Variants in IPO11 observed in about 807,000 individuals in gnomAD.
The protein encoded by IPO11 is importin 11, also known as importin-11.
A neutral mutation model predicts 143.2 loss-of-function variants in IPO11; 66 were observed. That is an observed-to-expected ratio of 0.46 (90% confidence interval 0.38 to 0.57). IPO11 has a LOEUF of 0.57. IPO11 is among the 20% of genes least tolerant of loss of function. The pLI, the probability that IPO11 is intolerant of heterozygous loss-of-function variation, is 0.00. For synonymous variants in IPO11, 385 were observed against 377.8 expected (o/e 1.02, Z -0.22); for missense variants, 1,026 against 1,141.0 (o/e 0.90, Z 1.45).
chr5:62,536,873 G>C, intron 23 of IPO11, 92 bp downstream of exon 23: 1 of 1,233,980 alleles, frequency 8.1e-7, no homozygotes. Context: ...AAAATTTTAA[G>C]ATTGGTCTGT....
chr5:62,490,303 CT>C, intron 15 of IPO11, 83 bp downstream of exon 15: 1 of 832,838 alleles, frequency 1.2e-6, no homozygotes, highest in Non-Finnish European at 1.8e-6. Context: ...ATTAAAATGG[CT>C]TACAATTTAA....
intron 24 of IPO11, among the ~76,000 whole-genome samples, chr5:62,546,603 AAAACCAC>A (rs1561357362): frequency 1.3e-5 from 2 of 152,038 alleles, no homozygotes; most frequent in Middle Eastern, 3.4e-3. Flanking sequence ...ATATAAAAAA[AAAACCAC>A]ACACACACAA....
intron 27 of IPO11, among the ~76,000 whole-genome samples, chr5:62,575,368 T>TAA (rs1744280024): frequency 6.6e-6 from 1 of 152,198 alleles, no homozygotes; most frequent in Admixed American, 6.5e-5. Flanking sequence ...GTAAGTTGTA[T>TAA]TTGCCATGGT....
At chr5:62,591,695 C>T in intron 28 of IPO11, 23 bp downstream of exon 28, 1 of 1,466,314 alleles carries the variant, frequency 6.8e-7, no homozygotes. Context: ...TTTAATTAAT[C>T]ATAATTGGAC....
chr5:62,518,975 C>T (rs1382104696), intron 20 of IPO11, among the ~76,000 whole-genome samples: 3 of 152,028 alleles, frequency 2.0e-5, no homozygotes, highest in Non-Finnish European at 4.4e-5. Context: ...GTGTTAATTG[C>T]CCTTTTAGCA....
intron 27 of IPO11, among the ~76,000 whole-genome samples, chr5:62,563,776 A>C (rs571949914): frequency 1.3e-4 from 20 of 152,166 alleles, no homozygotes; most frequent in African/African-American, 4.6e-4. Context: ...GTATTCTGGC[A>C]CTCAAAAAAA....
intron 29 of IPO11, among the ~76,000 whole-genome samples, chr5:62,610,779 A>G (rs1334402273): frequency 6.6e-6 from 1 of 152,012 alleles, no homozygotes; most frequent in African/African-American, 2.4e-5. Context: ...TTTCTTCTGT[A>G]TTCATTCCAC....
intron 2 of IPO11, among the ~76,000 whole-genome samples, chr5:62,441,762 C>G (rs1441758333): frequency 1.3e-5 from 2 of 151,542 alleles, no homozygotes; most frequent in Non-Finnish European, 2.9e-5. Context: ...GGTGGTCCAC[C>G]TGCCTCGGCC....
rs1181968474 is a variant in IPO11 at position 62,491,713 on chromosome 5, T to C, written c.1463+1493T>C. ...TGGAGTCTTGCTCTGTTGCCCAGGC[T>C]GTAGTGCAGTGGCGCGATCTCGACT... On this transcript the variant is annotated intron_variant, in intron 15 of 29. Coordinates refer to ENST00000325324, the MANE Select transcript of IPO11 (RefSeq NM_016338.5). 2.4e-4 allele frequency among the ~76,000 whole-genome samples: 36 copies of C among 150,766 alleles called. 2 individuals carry two copies. Among genetic ancestry groups the C allele is most frequent in the Admixed American group, 2.4e-3 (36 of 15,078 alleles).
At chr5:62,490,250 A>G in intron 15 of IPO11, 30 bp downstream of exon 15, 1 of 1,366,552 alleles carries the variant, frequency 7.3e-7, no homozygotes, top group South Asian at 1.3e-5. Flanking sequence ...TTTATTATAC[A>G]CTTACTTTAC....
chr5:62,451,151 C>T (rs1426554197), intron 4 of IPO11, among the ~76,000 whole-genome samples: 3 of 152,094 alleles, frequency 2.0e-5, no homozygotes, highest in South Asian at 2.1e-4. Context: ...CAATATTTGG[C>T]GTTTCTTTCT....
chr5:62,548,967 T>A (rs142592819), intron 24 of IPO11, among the ~76,000 whole-genome samples: 16 of 152,270 alleles, frequency 1.1e-4, no homozygotes, highest in African/African-American at 3.8e-4. Flanking sequence ...AATGGGCAGG[T>A]GGTCTTACTT....
chr5:62,438,853 A>G (rs918654411), intron 2 of IPO11, among the ~76,000 whole-genome samples: 1 of 151,816 alleles, frequency 6.6e-6, no homozygotes, highest in Non-Finnish European at 1.5e-5. Context: ...TGACCAGGAG[A>G]TTGAGACCAT....
Position 62,451,801 on chromosome 5 carries a change from A to G in IPO11, c.384A>G (p.Leu128=), listed in dbSNP as rs770458775. ...ATTGTCCCAGACAGTGGCCTGAACT[A>G]ATTCCCACTCTTATAGAGTCTGTTA... is the stretch of plus-strand genomic sequence containing the variant. ...RLDCPRQWPE[L]IPTLIESVKV... is the part of the protein sequence containing the mutation. Residue 128 remains leucine (L), a synonymous_variant, in exon 5 of 30, where the codon CTA becomes CTG. Coordinates refer to ENST00000325324, the MANE Select transcript of IPO11 (RefSeq NM_016338.5). The G allele has an allele frequency of 6.2e-7, 1 of 1,614,092 alleles. No individual in the cohort carries two copies. The highest frequency in any genetic ancestry group is 1.1e-5 in the South Asian group (1 of 91,082).
intron 24 of IPO11, among the ~76,000 whole-genome samples, chr5:62,543,665 T>G (rs972199468): frequency 1.3e-5 from 2 of 151,206 alleles, no homozygotes; most frequent in Non-Finnish European, 3.0e-5. Flanking sequence ...TTTTGAAGGG[T>G]TTTTTGTGTC....
intron 24 of IPO11, among the ~76,000 whole-genome samples, chr5:62,547,045 A>G (rs973179614): frequency 3.9e-5 from 6 of 152,168 alleles, no homozygotes; most frequent in Admixed American, 2.6e-4. Flanking sequence ...GATACAAAAG[A>G]GACTGAAACA....
intron 28 of IPO11, among the ~76,000 whole-genome samples, chr5:62,598,408 C>CTT (rs1404328204): frequency 6.4e-5 from 1 of 15,552 alleles, no homozygotes; most frequent in Non-Finnish European, 9.7e-5. Context: ...TTCTTTCTTT[C>CTT]TTTCTTTCTT....
At chr5:62,550,973 A>G (rs1743367583) in intron 25 of IPO11, among the ~76,000 whole-genome samples, 1 of 150,564 alleles carries the variant, frequency 6.6e-6, no homozygotes. Flanking sequence ...AAAAAAAAGT[A>G]ATAAAGTAAT....
At chr5:62,546,168 A>C (rs1000496852) in intron 24 of IPO11, among the ~76,000 whole-genome samples, 1 of 152,206 alleles carries the variant, frequency 6.6e-6, no homozygotes, top group African/African-American at 2.4e-5. Context: ...TTGCAGCACT[A>C]TTCACAATAG....
Sources: allele counts gnomAD v4.1 joint callset (sites outside exome capture counted in the v4.1 genomes callset), GRCh38; gene constraint gnomAD v4.1.1; transcripts MANE v1.5; gene names NCBI Gene and HGNC (gene_info 2026-07-23, HGNC 2026-07-21).